MAGI2: variants seen among roughly 807,000 people sequenced by gnomAD.
The protein encoded by MAGI2 is membrane-associated guanylate kinase, WW and PDZ domain-containing protein 2.
A neutral mutation model predicts 133.3 loss-of-function variants in MAGI2; 35 were observed. The observed-to-expected ratio is 0.26, with a 90% CI of 0.20 to 0.35. The LOEUF (loss-of-function observed/expected upper bound fraction) is 0.35. Ranked by LOEUF, MAGI2 falls within the 10% of genes least tolerant of loss-of-function variation. MAGI2 has a pLI of 1.00. For missense variants in MAGI2, 1,636 were observed against 1,863.4 expected (o/e 0.88, Z 2.25); for synonymous variants, 729 against 710.6 (o/e 1.03, Z -0.41).
intron 3 of MAGI2, among the ~76,000 whole-genome samples, chr7:78,576,465 T>C (rs958687858): frequency 8.5e-5 from 13 of 152,144 alleles, no homozygotes; most frequent in African/African-American, 2.9e-4. Context: ...AGGCATGTCA[T>C]AGAAACCAGA....
chr7:79,381,530 T>C (rs890208568), intron 1 of MAGI2, among the ~76,000 whole-genome samples: 8 of 151,950 alleles, frequency 5.3e-5, no homozygotes, highest in African/African-American at 1.9e-4. Flanking sequence ...ATATTAGAAC[T>C]GTGATTTCCT....
At chr7:78,836,323 A>G (rs1411533) in intron 2 of MAGI2, among the ~76,000 whole-genome samples, 54,320 of 151,796 alleles carry the variant, frequency 0.36, 10,373 homozygotes, top group East Asian at 0.71. Flanking sequence ...TCTTAGTCCA[A>G]TGTTTTTCTT....
chr7:79,022,915 C>T (rs1809488377), intron 1 of MAGI2, among the ~76,000 whole-genome samples: 1 of 152,030 alleles, frequency 6.6e-6, no homozygotes, highest in African/African-American at 2.4e-5. Flanking sequence ...CCAAATTCTA[C>T]CAGATATATA....
At chr7:79,382,070 A>C (rs1003278869) in intron 1 of MAGI2, among the ~76,000 whole-genome samples, 2 of 151,632 alleles carry the variant, frequency 1.3e-5, no homozygotes, top group African/African-American at 4.8e-5. Flanking sequence ...CCTCTGTGAC[A>C]GTCTAACAGC....
At chr7:78,585,379 C>G (rs1803291455) in intron 3 of MAGI2, among the ~76,000 whole-genome samples, 1 of 152,246 alleles carries the variant, frequency 6.6e-6, no homozygotes, top group Admixed American at 6.5e-5. Flanking sequence ...CCATCATACT[C>G]AGGTATCTGA....
chr7:79,216,594 C>T (rs1389084808), intron 1 of MAGI2, among the ~76,000 whole-genome samples: 1 of 151,954 alleles, frequency 6.6e-6, no homozygotes, highest in African/African-American at 2.4e-5. Context: ...AAAAGCTTGC[C>T]CAGATCCTGC....
At chr7:78,254,877 T>A (rs1030416106) in intron 10 of MAGI2, 5 of 152,372 alleles carry the variant, frequency 3.3e-5, no homozygotes, top group Admixed American at 6.5e-5. Flanking sequence ...GAAGCTTCGA[T>A]GTTTACACTC....
At chr7:78,910,280 T>TA (rs1299512727) in intron 2 of MAGI2, among the ~76,000 whole-genome samples, 4 of 146,034 alleles carry the variant, frequency 2.7e-5, no homozygotes, top group East Asian at 4.0e-4. Context: ...TTTTTTTTTT[T>TA]TAAAGGAAAA....
chr7:79,288,442 T>C lies in MAGI2; in HGVS notation c.301+164578A>G, dbSNP rs139196700. Reference sequence around the variant, plus strand: ...CAATTTTTTAAACATTTCCCTACTATTACACTGTATTTCATACAACTTGGG... The same window carrying C: ...CAATTTTTTAAACATTTCCCTACTACTACACTGTATTTCATACAACTTGGG... On this transcript the variant is annotated intron_variant, in intron 1 of 21. Transcript: ENST00000354212. 5.0e-4 allele frequency among the ~76,000 whole-genome samples: 76 copies of C among 152,310 alleles called. 1 individual carries two copies. The highest frequency in any genetic ancestry group is 1.6e-3 in the African/African-American group (68 of 41,582).
chr7:79,094,908 T>A (rs1321184858), intron 1 of MAGI2, among the ~76,000 whole-genome samples: 1 of 152,162 alleles, frequency 6.6e-6, no homozygotes, highest in African/African-American at 2.4e-5. Flanking sequence ...TTTAGCATGA[T>A]TCTTAAGGGC....
chr7:78,227,797 C>T (rs189488191), intron 10 of MAGI2, among the ~76,000 whole-genome samples: 8 of 151,774 alleles, frequency 5.3e-5, no homozygotes, highest in Non-Finnish European at 2.9e-5. Context: ...CTTGTCTTCT[C>T]TGTCACCTGA....
rs1491494586 is a variant in MAGI2 at position 79,449,897 on chromosome 7, T to TATATATATATATATATATAA, written c.301+3122_301+3123insTTATATATATATATATATAT. ...ATATACATATATATATATATATATA[T>TATATATATATATATATATAA]AATGTCTTAAAATCCCAACATTTTA... On this transcript the variant is annotated intron_variant, in intron 1 of 21. Coordinates refer to ENST00000354212, the MANE Select transcript of MAGI2 (RefSeq NM_012301.4). Among the ~76,000 whole-genome samples, 195 of 132,270 alleles carry TATATATATATATATATATAA rather than the reference T, an allele frequency of 1.5e-3. 2 individuals are homozygous for TATATATATATATATATATAA. Among genetic ancestry groups the TATATATATATATATATATAA allele is most frequent in the Non-Finnish European group, 2.1e-3 (130 of 60,666 alleles). The allele number at this position is 132,270 out of a possible 152,430, so 86.8% of individuals were successfully genotyped here.
At chr7:78,573,976 C>A (rs2150784267) in intron 3 of MAGI2, among the ~76,000 whole-genome samples, 1 of 152,272 alleles carries the variant, frequency 6.6e-6, no homozygotes, top group African/African-American at 2.4e-5. Context: ...TGGGTATGCC[C>A]ATGGCTATGT....
At chr7:79,079,401 G>T (rs988729362) in intron 1 of MAGI2, among the ~76,000 whole-genome samples, 10 of 152,150 alleles carry the variant, frequency 6.6e-5, no homozygotes, top group African/African-American at 2.4e-4. Context: ...TCGATAAGGT[G>T]TTCTATGTCA....
intron 2 of MAGI2, among the ~76,000 whole-genome samples, chr7:78,880,603 T>A (rs1438346034): frequency 6.6e-6 from 1 of 152,154 alleles, no homozygotes; most frequent in African/African-American, 2.4e-5. Context: ...AAAAGAACAA[T>A]ATCTGCTACC....
chr7:79,203,148 C>T (rs1284364014), intron 1 of MAGI2, among the ~76,000 whole-genome samples: 1 of 152,012 alleles, frequency 6.6e-6, no homozygotes, highest in Non-Finnish European at 1.5e-5. Context: ...CTCGATTTCT[C>T]ATCCTCTCCA....
At position 78,931,587 on chromosome 7, in the gene MAGI2, G is replaced by A. The variant is rs1053907750; in HGVS notation, c.418+75503C>T. The stretch of plus-strand genomic sequence containing the variant: ...AGTAAATAAGAAATAAAATGCTGCC[G>A]TTTATGCCACTGAAATTTTAGAGTT... On this transcript the variant is annotated intron_variant, in intron 2 of 21. Transcript: ENST00000354212. 6.0e-5 allele frequency among the ~76,000 whole-genome samples: 9 copies of A among 150,790 alleles called. 1 individual carries two copies. The South Asian group carries it at 1.0e-3, about 17-fold the overall frequency.
At chr7:78,296,316 T>G (rs1008122963) in intron 9 of MAGI2, among the ~76,000 whole-genome samples, 1 of 152,202 alleles carries the variant, frequency 6.6e-6, no homozygotes, top group Non-Finnish European at 1.5e-5. Flanking sequence ...CTAACCAGCC[T>G]GTTGCTGTCA....
intron 21 of MAGI2, among the ~76,000 whole-genome samples, chr7:78,070,183 ATAT>A (rs1814396969): frequency 5.6e-5 from 1 of 17,738 alleles, no homozygotes; most frequent in African/African-American, 1.5e-4. Context: ...ACATATATAT[ATAT>A]ATATATATAT....
Sources: allele counts gnomAD v4.1 joint callset (sites outside exome capture counted in the v4.1 genomes callset), GRCh38; gene constraint gnomAD v4.1.1; transcripts MANE v1.5; gene names NCBI Gene and HGNC (gene_info 2026-07-23, HGNC 2026-07-21).